RBM20: variants seen among roughly 807,000 people sequenced by gnomAD.
The protein encoded by RBM20 is RNA binding motif protein 20, also known as RNA-binding protein 20.
A neutral mutation model predicts 110.1 loss-of-function variants in RBM20; 51 were observed. That is an observed-to-expected ratio of 0.46 (90% CI 0.37 to 0.59). RBM20 has a LOEUF of 0.59. RBM20 is among the 20% of genes least tolerant of loss of function. RBM20 has a pLI of 0.00. For missense variants in RBM20, 1,512 were observed against 1,574.9 expected, an observed-to-expected ratio of 0.96 and a Z score of 0.68; for synonymous variants, 589 against 618.2, an observed-to-expected ratio of 0.95 and a Z score of 0.70.
At chr10:110,749,972 G>A (rs1843832165) in intron 1 of RBM20, among the ~76,000 whole-genome samples, 1 of 152,078 alleles carries the variant, frequency 6.6e-6, no homozygotes, top group Non-Finnish European at 1.5e-5. Flanking sequence ...ACACAACTCA[G>A]AAGTGAAAAA....
intron 1 of RBM20, among the ~76,000 whole-genome samples, chr10:110,716,377 G>A (rs1413434264): frequency 2.0e-5 from 3 of 152,220 alleles, no homozygotes; most frequent in Non-Finnish European, 4.4e-5. Context: ...CTATATGGAG[G>A]CCCATTGACC....
chr10:110,740,633 A>T (rs139265582), intron 1 of RBM20, among the ~76,000 whole-genome samples: 1 of 152,206 alleles, frequency 6.6e-6, no homozygotes, highest in Non-Finnish European at 1.5e-5. Context: ...GGGGAAAGCA[A>T]GTTTATGGCC....
intron 1 of RBM20, among the ~76,000 whole-genome samples, chr10:110,773,137 C>G (rs1228269381): frequency 2.6e-5 from 4 of 152,206 alleles, no homozygotes; most frequent in Non-Finnish European, 5.9e-5. Context: ...TTAGAGGAAA[C>G]TTGGTAGGTT....
Position 110,831,911 on chromosome 10 carries a change from T to A in RBM20, c.3573+729T>A, listed in dbSNP as rs528098576. Among the ~76,000 whole-genome samples, 3 of 152,260 alleles carry A rather than the reference T, an allele frequency of 2.0e-5. No homozygotes were observed. In the South Asian group the frequency reaches 6.2e-4, roughly 32 times the overall value. ...AAAGGGCGACATATAAAAAATACTC[T>A]ATACACCGTATTTCACCCAGTCTAA... On this transcript the variant is annotated intron_variant, in intron 13 of 13. Transcript: ENST00000369519.
At chr10:110,643,917 G>T (rs3814680), upstream of RBM20, among the ~76,000 whole-genome samples, 15,849 of 152,192 alleles carry the variant, frequency 0.1, 1,098 homozygotes, top group East Asian at 0.26. Context: ...TCCCGGGCGC[G>T]CTCGGTCCGC....
At chr10:110,784,945 ATTTG>A (rs1844402349) in intron 5 of RBM20, 56 bp downstream of exon 5, 5 of 1,186,260 alleles carry the variant, frequency 4.2e-6, no homozygotes, top group Admixed American at 2.1e-5. Context: ...TAGTTTATTT[ATTTG>A]TTTGTTTATT....
In RBM20 at chr10:110,799,919, G is replaced by A. The variant is rs1060503414; in HGVS notation, c.1800+1G>A. On this transcript the variant is annotated splice_donor_variant, in intron 7 of 13. Transcript: ENST00000369519. LOFTEE classifies it high-confidence loss of function. ...GAGATACAAGGAATTGCAGCTCAAGGTAAAGCATTATCTTGCTCATTCAGT... is the reference window on the plus strand; with the variant it reads ...GAGATACAAGGAATTGCAGCTCAAGATAAAGCATTATCTTGCTCATTCAGT... 6.4e-7 allele frequency: 1 copy of A among 1,551,676 alleles called. No individual in the cohort carries two copies. Among genetic ancestry groups the A allele is most frequent in the Non-Finnish European group, 8.7e-7 (1 of 1,146,742 alleles).
At position 110,737,177 on chromosome 10, in the gene RBM20, C is replaced by CAAAAAAAAAA. The variant is rs550138775; in HGVS notation, c.192-43613_192-43604dup. The stretch of plus-strand genomic sequence containing the variant: ...GGGCAAGAAGAGTGAAACTCTGCCT[C>CAAAAAAAAAA]AAAAAAAAAAAAAAAAAAAACACCC... On this transcript the variant is annotated intron_variant, in intron 1 of 13. Coordinates refer to ENST00000369519, the MANE Select transcript of RBM20 (RefSeq NM_001134363.3). Among the ~76,000 whole-genome samples the CAAAAAAAAAA allele has an allele frequency of 4.3e-3, 114 of 26,592 alleles. 3 individuals carry two copies. The highest frequency in any genetic ancestry group is 0.016 in the African/African-American group (89 of 5,568). 17.4% of individuals were successfully genotyped at this position (26,592 alleles called of 152,430 possible).
chr10:110,829,474 A>G (rs1232676860), intron 12 of RBM20, among the ~76,000 whole-genome samples: 1 of 152,186 alleles, frequency 6.6e-6, no homozygotes, highest in Non-Finnish European at 1.5e-5. Flanking sequence ...TGGCAGTTAG[A>G]GAAAGCCAGA....
At chr10:110,654,200 A>G (rs988462276) in intron 1 of RBM20, among the ~76,000 whole-genome samples, 1 of 152,190 alleles carries the variant, frequency 6.6e-6, no homozygotes, top group Non-Finnish European at 1.5e-5. Flanking sequence ...TTAAGGAGCA[A>G]TTGTAATGAA....
At chr10:110,684,123 A>C (rs989890597) in intron 1 of RBM20, among the ~76,000 whole-genome samples, 1 of 152,164 alleles carries the variant, frequency 6.6e-6, no homozygotes, top group African/African-American at 2.4e-5. Flanking sequence ...GGATGGGCGC[A>C]GTGGCTCATG....
At chr10:110,755,071 C>G (rs1843904636) in intron 1 of RBM20, among the ~76,000 whole-genome samples, 1 of 152,256 alleles carries the variant, frequency 6.6e-6, no homozygotes, top group African/African-American at 2.4e-5. Flanking sequence ...GGGCAGGCCT[C>G]TGGTCACATC....
chr10:110,652,199 C>G (rs1590595725), intron 1 of RBM20, among the ~76,000 whole-genome samples: 1 of 152,274 alleles, frequency 6.6e-6, no homozygotes, highest in Middle Eastern at 3.4e-3. Context: ...ATAATATTAA[C>G]TAAAAAAATT....
chr10:110,714,016 T>A (rs59240325), intron 1 of RBM20, among the ~76,000 whole-genome samples: 3,432 of 152,316 alleles, frequency 0.023, 113 homozygotes, highest in African/African-American at 0.074. Flanking sequence ...AGAATGAAGC[T>A]TACCCATCTC....
At chr10:110,722,903 G>C (rs1190502126) in intron 1 of RBM20, among the ~76,000 whole-genome samples, 2 of 152,174 alleles carry the variant, frequency 1.3e-5, no homozygotes, top group Admixed American at 1.3e-4. Flanking sequence ...CTTGGGGTCA[G>C]GAGTTTGAGA....
At chr10:110,831,253 C>A (rs1179371696) in intron 13 of RBM20, 71 bp downstream of exon 13, 2 of 1,500,714 alleles carry the variant, frequency 1.3e-6, no homozygotes, top group Non-Finnish European at 1.8e-6. Context: ...AGGTGTCTGG[C>A]GTCCTTGGCC....
chr10:110,746,057 G>C (rs1322608395), intron 1 of RBM20, among the ~76,000 whole-genome samples: 1 of 152,096 alleles, frequency 6.6e-6, no homozygotes, highest in Admixed American at 6.6e-5. Flanking sequence ...TTCTTGCCTG[G>C]GCTCGCTCAT....
At chr10:110,822,672 C>T (rs1189211231) in intron 11 of RBM20, among the ~76,000 whole-genome samples, 1 of 152,144 alleles carries the variant, frequency 6.6e-6, no homozygotes, top group Non-Finnish European at 1.5e-5. Context: ...GCCTGTAGCA[C>T]ACCAGAGGTT....
In RBM20 at chr10:110,664,718, G is replaced by C. The variant is rs915642310; in HGVS notation, c.191+20073G>C. On this transcript the variant is annotated intron_variant, in intron 1 of 13. Transcript: ENST00000369519. ...GCCGAGATGGTGCCACTGCACTTTA[G>C]CCTGGGCAACAGAGTGAGACTCTGT... 2.0e-5 allele frequency among the ~76,000 whole-genome samples: 3 copies of C among 152,042 alleles called. No individual in the cohort carries two copies. In the East Asian group the frequency reaches 5.8e-4, roughly 29 times the overall value.
Sources: allele counts gnomAD v4.1 joint callset (sites outside exome capture counted in the v4.1 genomes callset), GRCh38; gene constraint gnomAD v4.1.1; transcripts MANE v1.5; gene names NCBI Gene and HGNC (gene_info 2026-07-23, HGNC 2026-07-21).